The following SRGAP3 variants were observed in gnomAD, a reference collection of about 807,000 sequenced individuals.
SRGAP3 encodes SLIT-ROBO Rho GTPase activating protein 3, also known as SLIT-ROBO Rho GTPase-activating protein 3.
Under a neutral mutation model 121.1 loss-of-function variants are expected in SRGAP3, and 39 were observed. The ratio of observed to expected loss-of-function variants is 0.32; its 90% CI spans 0.25 to 0.42. The LOEUF is 0.42. Ranked by LOEUF, SRGAP3 falls within the 10% of genes least tolerant of loss-of-function variation. The pLI is 1.00. For missense variants in SRGAP3, 1,213 were observed against 1,470.6 expected, an observed-to-expected ratio of 0.82 and a Z score of 2.86; for synonymous variants, 601 against 570.0, an observed-to-expected ratio of 1.05 and a Z score of -0.77.
intron 5 of SRGAP3, among the ~76,000 whole-genome samples, chr3:9,064,012 C>A (rs1038436700): frequency 1.3e-5 from 2 of 152,214 alleles, no homozygotes; most frequent in Admixed American, 1.3e-4. Context: ...CCCGCCCCTA[C>A]CCTTGGCCAT....
At chr3:9,107,925 G>A (rs1948474344) in intron 2 of SRGAP3, among the ~76,000 whole-genome samples, 1 of 152,180 alleles carries the variant, frequency 6.6e-6, no homozygotes, top group Non-Finnish European at 1.5e-5. Context: ...CTGCATTTGT[G>A]CTGGGTCTTG....
intron 3 of SRGAP3, among the ~76,000 whole-genome samples, chr3:9,289,206 C>T (rs1388766691): frequency 2.0e-5 from 3 of 152,086 alleles, no homozygotes; most frequent in Admixed American, 6.6e-5. Flanking sequence ...GCCTAGTTTA[C>T]CTAGTTTAAT....
At chr3:9,271,293 C>A (rs548860319) in intron 3 of SRGAP3, among the ~76,000 whole-genome samples, 1 of 152,190 alleles carries the variant, frequency 6.6e-6, no homozygotes, top group South Asian at 2.1e-4. Context: ...AAGATCACAC[C>A]ACCGCACTCC....
At chr3:9,278,281 C>T (rs546746275) in intron 3 of SRGAP3, among the ~76,000 whole-genome samples, 3 of 152,138 alleles carry the variant, frequency 2.0e-5, no homozygotes, top group Admixed American at 2.0e-4. Context: ...AAGATATGCA[C>T]GGGTCAAGAC....
chr3:9,038,010 C>T, intron 11 of SRGAP3, 53 bp downstream of exon 11: 1 of 1,613,138 alleles, frequency 6.2e-7, no homozygotes, highest in Non-Finnish European at 8.5e-7. Flanking sequence ...CAGCCCCATC[C>T]CACTCCCACC....
chr3:9,051,901 C>T (rs1173836804), intron 9 of SRGAP3, among the ~76,000 whole-genome samples: 2 of 151,936 alleles, frequency 1.3e-5, no homozygotes, highest in Admixed American at 6.6e-5. Context: ...TTAGTAGAGA[C>T]GGGTTTTCAC....
At chr3:9,212,023 A>G (rs1374878281) in intron 1 of SRGAP3, among the ~76,000 whole-genome samples, 1 of 151,990 alleles carries the variant, frequency 6.6e-6, no homozygotes, top group African/African-American at 2.4e-5. Context: ...CAGTTCGACA[A>G]ACTTAAGTGG....
At chr3:9,279,373 T>C (rs1954638559) in intron 3 of SRGAP3, among the ~76,000 whole-genome samples, 1 of 152,118 alleles carries the variant, frequency 6.6e-6, no homozygotes, top group South Asian at 2.1e-4. Context: ...GAGGATAGGA[T>C]GGCACCTCCA....
rs1256789293 is a variant in SRGAP3, at chr3:9,037,122, C to CT, written c.1436+940dup. 2.0e-5 allele frequency: 3 copies of CT among 152,184 alleles called. No individual in the cohort carries two copies. In the East Asian group the frequency reaches 5.8e-4, roughly 29 times the overall value. The allele number at this position is 152,184 out of a possible 1,614,324, so 9.4% of individuals were successfully genotyped here. A position where few individuals can be genotyped will look rare whatever the true frequency, so the allele number is the denominator to read the frequency against. On this transcript the variant is annotated intron_variant, in intron 11 of 21. Coordinates refer to ENST00000383836, the MANE Select transcript of SRGAP3 (RefSeq NM_014850.4). ...TCTTTGCTCTTGCCAAACATGAGGG[C>CT]TTCCCAGGATTTGGGGCCACTGGAA...
rs577931976 is a variant in SRGAP3, at chr3:9,082,837, C to T, written c.424-2750G>A. Among the ~76,000 whole-genome samples the T allele has an allele frequency of 1.3e-4, 20 of 152,324 alleles. No homozygotes were observed. In the South Asian group the frequency reaches 3.7e-3, roughly 28 times the overall value. On this transcript the variant is annotated intron_variant, in intron 3 of 21. Transcript: ENST00000383836. ...TCTCAGGCTCCTTCTCCTCACCCCC[C>T]ACAGCCCTTTCTCTCAGCTTCCGGG... is the stretch of plus-strand genomic sequence containing the variant.
At chr3:9,325,088 T>A (rs982037732) in intron 3 of SRGAP3, among the ~76,000 whole-genome samples, 2 of 151,900 alleles carry the variant, frequency 1.3e-5, no homozygotes, top group Non-Finnish European at 2.9e-5. Flanking sequence ...ATTCATAGGG[T>A]ACAATGTCCT....
chr3:9,254,567 G>T (rs1954085518), upstream of SRGAP3, among the ~76,000 whole-genome samples: 1 of 152,150 alleles, frequency 6.6e-6, no homozygotes. Context: ...GCAAAGGCAG[G>T]AGGATCGCTT....
intron 3 of SRGAP3, among the ~76,000 whole-genome samples, chr3:9,086,403 G>T (rs1482371647): frequency 6.6e-6 from 1 of 151,198 alleles, no homozygotes; most frequent in Admixed American, 6.6e-5. Context: ...GCACACACCT[G>T]TAGTCCCAAG....
intron 1 of SRGAP3, among the ~76,000 whole-genome samples, chr3:9,235,014 A>C (rs935857512): frequency 2.0e-5 from 3 of 152,148 alleles, no homozygotes; most frequent in Non-Finnish European, 4.4e-5. Flanking sequence ...CAGTGAGGGA[A>C]GTTCTTGATG....
chr3:9,136,359 C>T (rs898622771), intron 1 of SRGAP3, among the ~76,000 whole-genome samples: 2 of 151,722 alleles, frequency 1.3e-5, no homozygotes, highest in Admixed American at 1.3e-4. Context: ...CGGGGTCAGC[C>T]GCCGCGCGCC....
intron 1 of SRGAP3, chr3:9,348,721 T>A (rs2125293571): frequency 8.8e-6 from 11 of 1,247,232 alleles, no homozygotes; most frequent in Non-Finnish European, 1.2e-5. Context: ...ACTCTGGGGG[T>A]CTGATCGGTC....
At position 9,124,865 on chromosome 3, in the gene SRGAP3, C is replaced by T. The variant is rs545153055; in HGVS notation, c.120G>A (p.Glu40=). 1.2e-6 allele frequency: 2 copies of T among 1,614,242 alleles called. No individual in the cohort carries two copies. The highest frequency in any genetic ancestry group is 4.5e-5 in the East Asian group (2 of 44,882). Reference sequence around the variant, plus strand: ...GGTCTTGAAGCAGCTGCAGTCGCGACTCTGATTGCTGCTCCAGACATTTGA... The same window carrying T: ...GGTCTTGAAGCAGCTGCAGTCGCGATTCTGATTGCTGCTCCAGACATTTGA... The part of the protein sequence containing the change: ...EQFKCLEQQS[E]SRLQLLQDLQ... Residue 40 remains glutamate, a synonymous_variant, in exon 2 of 22, where the codon GAG becomes GAA. Transcript: ENST00000383836.
At chr3:9,032,178 C>A (rs1003878519) in intron 12 of SRGAP3, among the ~76,000 whole-genome samples, 1 of 152,094 alleles carries the variant, frequency 6.6e-6, no homozygotes, top group Non-Finnish European at 1.5e-5. Flanking sequence ...GTTTCCTTTG[C>A]TGGTATATAT....
chr3:9,349,300 A>C (rs919442351), intron 1 of SRGAP3: 1 of 430,160 alleles, frequency 2.3e-6, no homozygotes, highest in Non-Finnish European at 4.4e-6. Context: ...AGGCATCTTG[A>C]GCTGTAGCTG....
Sources: allele counts gnomAD v4.1 joint callset (sites outside exome capture counted in the v4.1 genomes callset), GRCh38; gene constraint gnomAD v4.1.1; transcripts MANE v1.5; gene names NCBI Gene and HGNC (gene_info 2026-07-23, HGNC 2026-07-21).